The following TAFA2 variants were observed in gnomAD, a reference collection of about 807,000 sequenced individuals.
TAFA2 encodes the protein TAFA chemokine like family member 2.
In TAFA2, 7 loss-of-function variants were observed where a neutral mutation model predicts 18.8. That is an observed-to-expected ratio of 0.37 (90% CI 0.21 to 0.70). TAFA2 has a LOEUF of 0.70. Ranked by LOEUF, TAFA2 falls within the 30% of genes least tolerant of loss-of-function variation. TAFA2 has a pLI of 0.53. For missense variants in TAFA2, 122 were observed against 158.1 expected (o/e 0.77, Z 1.23); for synonymous variants, 60 against 54.2 (o/e 1.11, Z -0.47).
At chr12:61,989,271 T>C (rs1351815660) in intron 1 of TAFA2, among the ~76,000 whole-genome samples, 2 of 152,092 alleles carry the variant, frequency 1.3e-5, no homozygotes, top group Admixed American at 6.5e-5. Context: ...TAGTGATCCA[T>C]AGAAGAGAAG....
chr12:62,197,529 A>G (rs950249699), upstream of TAFA2, among the ~76,000 whole-genome samples: 8 of 152,322 alleles, frequency 5.3e-5, no homozygotes, highest in Non-Finnish European at 1.0e-4. Context: ...ACATGGGTAT[A>G]TCTGTGAAAC....
At chr12:62,099,665 A>T (rs995142124) in intron 1 of TAFA2, among the ~76,000 whole-genome samples, 1 of 152,216 alleles carries the variant, frequency 6.6e-6, no homozygotes, top group Non-Finnish European at 1.5e-5. Flanking sequence ...TTTGCCAAGC[A>T]TATGAGGAGG....
At chr12:61,800,158 T>C (rs1295423549) in intron 2 of TAFA2, among the ~76,000 whole-genome samples, 1 of 152,186 alleles carries the variant, frequency 6.6e-6, no homozygotes, top group African/African-American at 2.4e-5. Context: ...ATAATATAAT[T>C]AGTCATAGTA....
intron 1 of TAFA2, among the ~76,000 whole-genome samples, chr12:62,118,304 C>T (rs1342861841): frequency 6.6e-6 from 1 of 152,018 alleles, no homozygotes; most frequent in Non-Finnish European, 1.5e-5. Context: ...TTTGTAAATG[C>T]TGTACTTCAT....
chr12:62,142,016 CA>C (rs1372616006), intron 1 of TAFA2, among the ~76,000 whole-genome samples: 6 of 152,202 alleles, frequency 3.9e-5, no homozygotes, highest in Non-Finnish European at 8.8e-5. Context: ...CCAGGCATCA[CA>C]CGGTCTCCTC....
intron 1 of TAFA2, among the ~76,000 whole-genome samples, chr12:62,183,615 G>A (rs2062565676): frequency 1.3e-5 from 2 of 152,070 alleles, no homozygotes; most frequent in African/African-American, 2.4e-5. Context: ...AAACTTTTGG[G>A]CTCAAGTGAT....
intron 1 of TAFA2, among the ~76,000 whole-genome samples, chr12:62,066,332 C>T (rs1882487587): frequency 2.0e-5 from 3 of 151,604 alleles, no homozygotes; most frequent in Admixed American, 2.0e-4. Context: ...TTTTAAGTGT[C>T]CAATTAAATT....
At chr12:61,715,494 A>G (rs1186679733) in intron 4 of TAFA2, among the ~76,000 whole-genome samples, 7 of 151,766 alleles carry the variant, frequency 4.6e-5, no homozygotes, top group African/African-American at 1.5e-4. Flanking sequence ...GACCACAGGC[A>G]CCCACCACCA....
chr12:62,147,344 A>G lies in TAFA2; in HGVS notation c.-2+43915T>C, dbSNP rs1010121452. Among the ~76,000 whole-genome samples, 21 of 78,992 alleles carry G rather than the reference A, an allele frequency of 2.7e-4. 1 individual carries two copies. The highest frequency in any genetic ancestry group is 5.7e-4 in the African/African-American group (16 of 27,968). 51.8% of individuals were successfully genotyped at this position (78,992 alleles called of 152,430 possible). A position where few individuals can be genotyped will look rare whatever the true frequency, so the allele number is the denominator to read the frequency against. ...TATGTATGTATATATATATATATAT[A>G]TATATATATATATATATATATATAT... is the stretch of plus-strand genomic sequence containing the variant. On this transcript the variant is annotated intron_variant, in intron 1 of 4. Coordinates refer to ENST00000416284, the MANE Select transcript of TAFA2 (RefSeq NM_178539.5).
intron 1 of TAFA2, among the ~76,000 whole-genome samples, chr12:62,092,986 A>G (rs938234242): frequency 6.6e-6 from 1 of 152,024 alleles, no homozygotes; most frequent in East Asian, 1.9e-4. Flanking sequence ...CATATCAGCG[A>G]AGGCTTTATT....
At position 61,855,686 on chromosome 12, in the gene TAFA2, C is replaced by T. The variant is rs1873855610; in HGVS notation, c.106+11634G>A. Among the ~76,000 whole-genome samples the T allele has an allele frequency of 3.9e-5, 6 of 151,900 alleles. No homozygotes were observed. The South Asian group carries it at 1.2e-3, about 32-fold the overall frequency. ...TTAAATTTCTGTATCGTGCACTCTA[C>T]TGGATGCTTCAGAATTATTTTAAAA... is the stretch of plus-strand genomic sequence containing the variant. On this transcript the variant is annotated intron_variant, in intron 2 of 4. Coordinates refer to ENST00000416284, the MANE Select transcript of TAFA2 (RefSeq NM_178539.5).
chr12:62,110,755 T>C (rs140008852), intron 1 of TAFA2, among the ~76,000 whole-genome samples: 2 of 152,182 alleles, frequency 1.3e-5, no homozygotes, highest in African/African-American at 4.8e-5. Flanking sequence ...TCATTTCTTC[T>C]AGATTTTCAA....
At chr12:62,031,506 GA>G (rs1881458165) in intron 1 of TAFA2, among the ~76,000 whole-genome samples, 3 of 151,912 alleles carry the variant, frequency 2.0e-5, no homozygotes, top group Admixed American at 1.3e-4. Context: ...TATGCATAGA[GA>G]CACACAAACA....
chr12:62,186,316 A>AAT (rs760463904), intron 1 of TAFA2, among the ~76,000 whole-genome samples: 6 of 152,096 alleles, frequency 3.9e-5, no homozygotes, highest in East Asian at 3.9e-4. Context: ...TGTAGCAGCA[A>AAT]ATATATATAT....
chr12:62,234,084 A>G (rs1344690791), intron 1 of TAFA2, among the ~76,000 whole-genome samples: 1 of 152,178 alleles, frequency 6.6e-6, no homozygotes, highest in South Asian at 2.1e-4. Context: ...CTTACTGTCC[A>G]TGCCATAGTT....
intron 1 of TAFA2, among the ~76,000 whole-genome samples, chr12:61,936,220 A>G (rs908417864): frequency 1.3e-5 from 2 of 152,168 alleles, no homozygotes; most frequent in Non-Finnish European, 2.9e-5. Flanking sequence ...CAGAATTAAA[A>G]ACAAAAATCA....
intron 1 of TAFA2, among the ~76,000 whole-genome samples, chr12:62,069,989 T>G (rs1021928888): frequency 6.6e-6 from 1 of 152,220 alleles, no homozygotes; most frequent in Non-Finnish European, 1.5e-5. Context: ...ATGCAAGTTT[T>G]GGGAGTAATA....
rs1880232139 is a variant in TAFA2, at chr12:61,997,364, A to G, written c.-1-129938T>C. ...TATCTGGGGGAAATAATCCGAGGCA[A>G]AGGGAACTGCAAGGGTAAAGACCTG... On this transcript the variant is annotated intron_variant, in intron 1 of 4. Coordinates refer to ENST00000416284, the MANE Select transcript of TAFA2 (RefSeq NM_178539.5). Among the ~76,000 whole-genome samples, 3 of 152,154 alleles carry G rather than the reference A, an allele frequency of 2.0e-5. No individual in the cohort carries two copies. The South Asian group carries it at 6.2e-4, about 31-fold the overall frequency.
intron 2 of TAFA2, among the ~76,000 whole-genome samples, chr12:61,864,772 C>CAAA (rs34286549): frequency 0.012 from 948 of 77,542 alleles, 40 homozygotes; most frequent in African/African-American, 0.04. Flanking sequence ...GACTCCGTCT[C>CAAA]AAAAAAAAAA....
Sources: allele counts gnomAD v4.1 joint callset (sites outside exome capture counted in the v4.1 genomes callset), GRCh38; gene constraint gnomAD v4.1.1; transcripts MANE v1.5; gene names NCBI Gene and HGNC (gene_info 2026-07-23, HGNC 2026-07-21).